The following RIOK1 variants were observed in gnomAD, a reference collection of about 807,000 sequenced individuals.
RIOK1 encodes RIO kinase 1.
A neutral mutation model predicts 73.5 loss-of-function variants in RIOK1; 66 were observed. The ratio of observed to expected loss-of-function variants is 0.90; its 90% CI spans 0.74 to 1.10. The LOEUF (loss-of-function observed/expected upper bound fraction) is 1.10. Among genes scored for constraint, RIOK1 ranks in the 50% least tolerant of loss-of-function variants. The pLI, the probability that RIOK1 is intolerant of heterozygous loss-of-function variation, is 0.00. For missense variants in RIOK1, 658 were observed against 699.8 expected, an observed-to-expected ratio of 0.94 and a Z score of 0.67; for synonymous variants, 224 against 226.8, an observed-to-expected ratio of 0.99 and a Z score of 0.11.
intron 2 of RIOK1, 47 bp downstream of exon 2, chr6:7,393,350 C>T (rs1424543650): frequency 2.7e-6 from 4 of 1,502,494 alleles, no homozygotes; most frequent in Non-Finnish European, 3.7e-6. Context: ...CTGCTTATGT[C>T]TACTTTTTTA....
intron 5 of RIOK1, among the ~76,000 whole-genome samples, chr6:7,399,634 C>T (rs1761564863): frequency 6.6e-6 from 1 of 152,028 alleles, no homozygotes; most frequent in African/African-American, 2.4e-5. Flanking sequence ...ATTTCTCTTT[C>T]CCTGTTTTGT....
At chr6:7,391,037 A>C (rs77662874) in intron 1 of RIOK1, among the ~76,000 whole-genome samples, 2,630 of 152,236 alleles carry the variant, frequency 0.017, 93 homozygotes, top group African/African-American at 0.059. Context: ...CTGGACGTGG[A>C]GTCTGGGGAA....
At chr6:7,394,586 C>T (rs1435779905) in intron 2 of RIOK1, among the ~76,000 whole-genome samples, 12 of 152,192 alleles carry the variant, frequency 7.9e-5, no homozygotes, top group Admixed American at 5.9e-4. Context: ...TGAGCAATTT[C>T]ATTATTGAAG....
In RIOK1 at chr6:7,401,473, T is replaced by C. The variant is rs567116646; in HGVS notation, c.573+423T>C. Among the ~76,000 whole-genome samples the C allele has an allele frequency of 7.9e-5, 12 of 152,296 alleles. No homozygotes were observed. In the East Asian group the frequency reaches 2.3e-3, roughly 29 times the overall value. ...ACTACTCCAGCTTGAAGGAAACTCT[T>C]ACTGTGATTTACTCAGCTATAATGG... On this transcript the variant is annotated intron_variant, in intron 6 of 16. Transcript: ENST00000379834.
At chr6:7,403,602 A>G (rs1581716889) in intron 8 of RIOK1, among the ~76,000 whole-genome samples, 1 of 152,184 alleles carries the variant, frequency 6.6e-6, no homozygotes, top group African/African-American at 2.4e-5. Flanking sequence ...TTTATTAAGC[A>G]TTTTTCAGGC....
intron 13 of RIOK1, among the ~76,000 whole-genome samples, 161 bp from the exon 14 acceptor site, chr6:7,411,171 A>C (rs1483733050): frequency 6.6e-6 from 1 of 152,210 alleles, no homozygotes; most frequent in Non-Finnish European, 1.5e-5. Flanking sequence ...GGGACACCAC[A>C]TCACAGATGG....
At chr6:7,400,770 TG>T (rs1338179047) in intron 5 of RIOK1, among the ~76,000 whole-genome samples, 187 bp from the exon 6 acceptor site, 2 of 152,218 alleles carry the variant, frequency 1.3e-5, no homozygotes, top group Non-Finnish European at 2.9e-5. Flanking sequence ...TTGGTTCCTT[TG>T]GCCTTTACCT....
chr6:7,397,868 G>A (rs1761511730), intron 4 of RIOK1, among the ~76,000 whole-genome samples: 1 of 152,208 alleles, frequency 6.6e-6, no homozygotes. Flanking sequence ...ACTGCCAGGT[G>A]CAGTGGCTCA....
At chr6:7,395,995 A>G (rs1761465460) in intron 3 of RIOK1, among the ~76,000 whole-genome samples, 1 of 152,204 alleles carries the variant, frequency 6.6e-6, no homozygotes, top group South Asian at 2.1e-4. Flanking sequence ...GGTGTGAGCC[A>G]CTGCGCCTGG....
intron 5 of RIOK1, among the ~76,000 whole-genome samples, chr6:7,399,594 A>G (rs1272845834): frequency 6.6e-6 from 1 of 152,208 alleles, no homozygotes; most frequent in East Asian, 1.9e-4. Context: ...AGCTGTCTAT[A>G]TAAAATATAT....
At position 7,405,427 on chromosome 6, in the gene RIOK1, G is replaced by T. The variant is rs572456584; in HGVS notation, c.1203+72G>T. On this transcript the variant is annotated intron_variant, in intron 12 of 16. Coordinates refer to ENST00000379834, the MANE Select transcript of RIOK1 (RefSeq NM_031480.3). Reference sequence around the variant, plus strand: ...CAGTATCTCTTATCTCAAGTGCTTGGGACCAGAAGTGTTTTGGATTTTGGA... The same window carrying T: ...CAGTATCTCTTATCTCAAGTGCTTGTGACCAGAAGTGTTTTGGATTTTGGA... 682 of 886,842 alleles carry T rather than the reference G, an allele frequency of 7.7e-4. 2 individuals carry two copies. The highest frequency in any genetic ancestry group is 1.6e-3 in the South Asian group (106 of 67,638). The allele number at this position is 886,842 out of a possible 1,614,324, so 54.9% of individuals were successfully genotyped here. A position where few individuals can be genotyped will look rare whatever the true frequency, so the allele number is the denominator to read the frequency against.
At position 7,395,116 on chromosome 6, in the gene RIOK1, C is replaced by A; in HGVS notation, c.340C>A (p.Arg114=). The stretch of plus-strand genomic sequence containing the variant: ...GTCTACTCCAGCAGACAAGGTCTTA[C>A]GGAAATTTGAGAATAAAATTAATTT... ...KMSTPADKVL[R]KFENKINLDK... Residue 114 remains arginine, a synonymous_variant, in exon 3 of 17, where the codon CGG becomes AGG. Transcript: ENST00000379834. 6.2e-7 allele frequency: 1 copy of A among 1,613,360 alleles called. No homozygotes were observed. Among genetic ancestry groups the A allele is most frequent in the African/African-American group, 1.3e-5 (1 of 74,960 alleles).
At chr6:7,398,291 A>G (rs1761527539) in intron 4 of RIOK1, among the ~76,000 whole-genome samples, 1 of 152,136 alleles carries the variant, frequency 6.6e-6, no homozygotes, top group Admixed American at 6.5e-5. Flanking sequence ...CCTGGGCAAC[A>G]TAGTAAGATG....
chr6:7,396,915 G>GTGTGTGTGTT (rs1037806952), intron 4 of RIOK1, 143 bp downstream of exon 4: 1 of 537,970 alleles, frequency 1.9e-6, no homozygotes, highest in Non-Finnish European at 3.3e-6. Flanking sequence ...GTGTGTGTGT[G>GTGTGTGTGTT]TGTGTTTTCC....
At chr6:7,391,554 T>A (rs372912139) in intron 1 of RIOK1, among the ~76,000 whole-genome samples, 1 of 152,162 alleles carries the variant, frequency 6.6e-6, no homozygotes, top group Admixed American at 6.5e-5. Context: ...GGGTAGTTAA[T>A]GGTAATGAGA....
chr6:7,408,386 A>T (rs934372166), intron 12 of RIOK1, among the ~76,000 whole-genome samples: 2 of 152,038 alleles, frequency 1.3e-5, no homozygotes, highest in Admixed American at 1.3e-4. Context: ...TTTCCTTGCA[A>T]TACCTTCCCA....
intron 3 of RIOK1, among the ~76,000 whole-genome samples, chr6:7,396,399 GT>G (rs1761474753): frequency 6.6e-6 from 1 of 152,220 alleles, no homozygotes; most frequent in Non-Finnish European, 1.5e-5. Context: ...GTCATGTGGA[GT>G]ACTAGCAAGT....
In RIOK1 at chr6:7,411,091, G is replaced by GT. The variant is rs200268658; in HGVS notation, c.1270-233dup. Among the ~76,000 whole-genome samples, 412 of 152,064 alleles carry GT rather than the reference G, an allele frequency of 2.7e-3. 4 individuals carry two copies. Among genetic ancestry groups the GT allele is most frequent in the African/African-American group, 9.4e-3 (392 of 41,484 alleles). ...AGGATAATCTTGAATCAGCTCTAAT[G>GT]TTTTTTTTCCCTTCCTTAAAATAAA... On this transcript the variant is annotated intron_variant, in intron 13 of 16. Coordinates refer to ENST00000379834, the MANE Select transcript of RIOK1 (RefSeq NM_031480.3).
intron 6 of RIOK1, among the ~76,000 whole-genome samples, chr6:7,401,422 T>C (rs1355705114): frequency 6.6e-6 from 1 of 152,134 alleles, no homozygotes; most frequent in Admixed American, 6.6e-5. Context: ...TAGAGAAGAC[T>C]CTGAAATCCT....
Sources: allele counts gnomAD v4.1 joint callset (sites outside exome capture counted in the v4.1 genomes callset), GRCh38; gene constraint gnomAD v4.1.1; transcripts MANE v1.5; gene names NCBI Gene and HGNC (gene_info 2026-07-23, HGNC 2026-07-21).